ADGRL3: variants seen among roughly 807,000 people sequenced by gnomAD.
The protein encoded by ADGRL3 is adhesion G protein-coupled receptor L3.
In ADGRL3, 62 loss-of-function variants were observed where a neutral mutation model predicts 153.5. The ratio of observed to expected loss-of-function variants is 0.40; its 90% CI spans 0.33 to 0.50. The LOEUF is 0.50. ADGRL3 is among the 20% of genes least tolerant of loss of function. The probability of loss-of-function intolerance (pLI) is 0.47; values close to 1 mark genes in which losing one functional copy is unlikely to be tolerated. For missense variants in ADGRL3, 1,641 were observed against 1,859.4 expected, an observed-to-expected ratio of 0.88 and a Z score of 2.16; for synonymous variants, 710 against 672.5, an observed-to-expected ratio of 1.06 and a Z score of -0.86.
At chr4:61,684,182 G>A (rs1474579349) in intron 6 of ADGRL3, among the ~76,000 whole-genome samples, 2 of 152,100 alleles carry the variant, frequency 1.3e-5, no homozygotes, top group African/African-American at 4.8e-5. Flanking sequence ...ACATGGAGAA[G>A]GTAGTGAGCC....
intron 1 of ADGRL3, among the ~76,000 whole-genome samples, chr4:61,284,959 C>A (rs1560425381): frequency 6.6e-6 from 1 of 151,474 alleles, no homozygotes; most frequent in South Asian, 2.1e-4. Context: ...ATGTATGTTA[C>A]CAATCTTTGT....
chr4:61,905,794 C>G lies in ADGRL3; in HGVS notation c.1888-3766C>G, dbSNP rs1581398546. On this transcript the variant is annotated intron_variant, in intron 11 of 26. Transcript: ENST00000683033. ...CCTTTAATCCCAGCTACTCGGGAGA[C>G]CAAGGCATGAGAATCACTTGAACTG... Among the ~76,000 whole-genome samples the G allele has an allele frequency of 1.3e-5, 2 of 151,536 alleles. 1 individual carries two copies. The highest frequency in any genetic ancestry group is 4.2e-4 in the South Asian group (2 of 4,808).
chr4:62,014,345 G>A (rs1289524761), intron 21 of ADGRL3, among the ~76,000 whole-genome samples: 1 of 152,096 alleles, frequency 6.6e-6, no homozygotes, highest in Admixed American at 6.6e-5. Context: ...ATGAAGTTTA[G>A]GGTATAAGGG....
chr4:61,471,993 T>G (rs1295498458), intron 2 of ADGRL3, among the ~76,000 whole-genome samples: 8 of 152,100 alleles, frequency 5.3e-5, no homozygotes, highest in Admixed American at 4.6e-4. Context: ...AATAAATGTA[T>G]TTAAGAAACA....
In ADGRL3 at chr4:61,254,959, AT is replaced by A. The variant is rs941715621; in HGVS notation, c.-240+53202del. Among the ~76,000 whole-genome samples, 11 of 151,594 alleles carry A rather than the reference AT, an allele frequency of 7.3e-5. No individual in the cohort carries two copies. In the East Asian group the frequency reaches 1.4e-3, roughly 19 times the overall value. On this transcript the variant is annotated intron_variant, in intron 1 of 26. Coordinates refer to ENST00000683033, the MANE Select transcript of ADGRL3 (RefSeq NM_001387552.1). ...GCTTCCTTCATTCTTATGTCTTTTAATTTTTTTTCAAGTAATTTCATAATAT... is the reference window on the plus strand; with the variant it reads ...GCTTCCTTCATTCTTATGTCTTTTAATTTTTTTCAAGTAATTTCATAATAT...
At chr4:61,790,009 C>T (rs1027364303) in intron 8 of ADGRL3, among the ~76,000 whole-genome samples, 1 of 152,126 alleles carries the variant, frequency 6.6e-6, no homozygotes, top group African/African-American at 2.4e-5. Flanking sequence ...AGTGTTTAAG[C>T]ACTAAAACTT....
At chr4:61,697,224 T>C (rs1186130164) in intron 6 of ADGRL3, among the ~76,000 whole-genome samples, 2 of 152,040 alleles carry the variant, frequency 1.3e-5, no homozygotes, top group African/African-American at 2.4e-5. Flanking sequence ...ATATGACATA[T>C]CAGGTTTTAT....
chr4:61,593,978 A>G (rs998000366), intron 5 of ADGRL3, among the ~76,000 whole-genome samples: 1 of 151,648 alleles, frequency 6.6e-6, no homozygotes, highest in Non-Finnish European at 1.5e-5. Context: ...AGGCATGCTT[A>G]TTGGTTTTTA....
At chr4:62,014,013 G>C (rs1338156986) in intron 21 of ADGRL3, among the ~76,000 whole-genome samples, 1 of 151,876 alleles carries the variant, frequency 6.6e-6, no homozygotes, top group East Asian at 1.9e-4. Flanking sequence ...AAAGTAAATG[G>C]TCATAGTATC....
intron 8 of ADGRL3, among the ~76,000 whole-genome samples, chr4:61,753,248 A>G (rs991503962): frequency 2.8e-4 from 43 of 152,158 alleles, no homozygotes; most frequent in Middle Eastern, 3.4e-3. Flanking sequence ...AAAAAAAACA[A>G]AGATGAAAAA....
chr4:61,700,182 G>A (rs1453799711), intron 6 of ADGRL3, among the ~76,000 whole-genome samples: 1 of 152,086 alleles, frequency 6.6e-6, no homozygotes, highest in Non-Finnish European at 1.5e-5. Flanking sequence ...AAGTGATGAA[G>A]AGAATATAGA....
intron 8 of ADGRL3, among the ~76,000 whole-genome samples, chr4:61,770,202 C>A (rs2097066968): frequency 6.6e-6 from 1 of 152,110 alleles, no homozygotes; most frequent in Admixed American, 6.5e-5. Flanking sequence ...GTTAGGGTTA[C>A]CTGTTTACCT....
At chr4:61,217,593 A>G (rs938053433) in intron 1 of ADGRL3, among the ~76,000 whole-genome samples, 6 of 152,224 alleles carry the variant, frequency 3.9e-5, no homozygotes, top group East Asian at 1.9e-4. Flanking sequence ...AAATTTCAGG[A>G]TGCCAGAAAA....
chr4:61,215,541 ATTTTTTTTTTTT>A (rs59691960), intron 1 of ADGRL3, among the ~76,000 whole-genome samples: 35 of 73,662 alleles, frequency 4.8e-4, no homozygotes, highest in Non-Finnish European at 8.0e-4. Context: ...CTATTATGGA[ATTTTTTTTTTTT>A]TTTTTTTTTT....
chr4:61,929,804 C>G (rs1041033898), intron 13 of ADGRL3, among the ~76,000 whole-genome samples: 8 of 152,130 alleles, frequency 5.3e-5, no homozygotes, highest in Non-Finnish European at 1.2e-4. Context: ...CCCCGCCCCC[C>G]AGTTGTGCTA....
At chr4:61,549,674 T>G (rs2148784679) in intron 4 of ADGRL3, among the ~76,000 whole-genome samples, 1 of 152,148 alleles carries the variant, frequency 6.6e-6, no homozygotes, top group African/African-American at 2.4e-5. Context: ...TCCTCTAAAA[T>G]ATTGTTTACC....
At chr4:61,583,612 A>T in intron 4 of ADGRL3, 1 of 514,238 alleles carries the variant, frequency 1.9e-6, no homozygotes, top group Admixed American at 2.0e-5. Context: ...GTTTGATATG[A>T]ATTTTGGAAA....
intron 1 of ADGRL3, among the ~76,000 whole-genome samples, chr4:61,362,308 C>T (rs1045178019): frequency 3.3e-5 from 5 of 150,330 alleles, no homozygotes; most frequent in South Asian, 2.1e-4. Flanking sequence ...CTGCCTGATA[C>T]GATCGAATAT....
intron 25 of ADGRL3, among the ~76,000 whole-genome samples, chr4:62,055,534 T>C (rs995932645): frequency 6.6e-6 from 1 of 151,894 alleles, no homozygotes; most frequent in African/African-American, 2.4e-5. Context: ...GAAAGAGTTC[T>C]TAGCGTTCAG....
Sources: gnomAD v4.1 joint callset for allele counts (sites outside exome capture counted in the v4.1 genomes callset) on GRCh38, gnomAD v4.1.1 for gene constraint, MANE v1.5 for transcripts, NCBI Gene and HGNC (gene_info 2026-07-23, HGNC 2026-07-21) for gene names.